The following WWOX variants were observed in gnomAD, a reference collection of about 807,000 sequenced individuals.
WWOX encodes WW domain containing oxidoreductase.
WWOX carries 69 observed loss-of-function variants against 46.2 expected under a neutral mutation model. The observed-to-expected ratio is 1.49, with a 90% CI of 1.23 to 1.82. WWOX has a LOEUF of 1.82. Among genes scored for constraint, WWOX ranks in the 40% most tolerant of loss-of-function variants. The pLI is 0.00. For synonymous variants in WWOX, 359 were observed against 202.6 expected, an observed-to-expected ratio of 1.77 and a Z score of -6.56; for missense variants, 919 against 542.6, an observed-to-expected ratio of 1.69 and a Z score of -6.89.
chr16:78,698,024 G>C (rs539983509), intron 8 of WWOX, among the ~76,000 whole-genome samples: 10 of 152,278 alleles, frequency 6.6e-5, no homozygotes, highest in African/African-American at 2.4e-4. Context: ...TATACTATGT[G>C]TTTCAAAGGG....
chr16:78,328,190 T>C (rs555869210), intron 5 of WWOX, among the ~76,000 whole-genome samples: 2 of 152,136 alleles, frequency 1.3e-5, no homozygotes, highest in Admixed American at 1.3e-4. Flanking sequence ...TTTCTTAAAT[T>C]TCACAGTCCC....
chr16:78,592,610 G>C lies in WWOX; in HGVS notation c.1056+159858G>C, dbSNP rs1034135194. ...TGCTTCTTTTTATTTCTTAGAGCCA[G>C]AGCTGGAAGACAAGGCCTGGCATAT... On this transcript the variant is annotated intron_variant, in intron 8 of 8. Transcript: ENST00000566780. Among the ~76,000 whole-genome samples the C allele has an allele frequency of 4.1e-4, 62 of 152,302 alleles. 1 individual carries two copies. The highest frequency in any genetic ancestry group is 9.8e-4 in the Admixed American group (15 of 15,304).
intron 5 of WWOX, among the ~76,000 whole-genome samples, chr16:78,330,888 T>C (rs2080740732): frequency 6.6e-6 from 1 of 152,250 alleles, no homozygotes; most frequent in South Asian, 2.1e-4. Context: ...ATGATATGCA[T>C]GTTCTTATTT....
chr16:78,618,875 G>A (rs1000988010), intron 8 of WWOX, among the ~76,000 whole-genome samples: 1 of 151,572 alleles, frequency 6.6e-6, no homozygotes, highest in Non-Finnish European at 1.5e-5. Flanking sequence ...CACCTTGGAT[G>A]TGCCCAGCAT....
intron 8 of WWOX, among the ~76,000 whole-genome samples, chr16:78,812,854 CCT>C (rs1045343053): frequency 2.0e-5 from 3 of 152,138 alleles, no homozygotes; most frequent in South Asian, 4.1e-4. Flanking sequence ...AATATTTTCC[CCT>C]GTCTTATTTT....
intron 5 of WWOX, among the ~76,000 whole-genome samples, chr16:78,337,848 G>C (rs1305043192): frequency 3.3e-5 from 4 of 119,988 alleles, no homozygotes; most frequent in African/African-American, 1.1e-4. Context: ...TGAAGAAGTG[G>C]AGAGCCGTGT....
chr16:78,448,700 T>C (rs1337847760), intron 8 of WWOX, among the ~76,000 whole-genome samples: 1 of 152,186 alleles, frequency 6.6e-6, no homozygotes, highest in Non-Finnish European at 1.5e-5. Flanking sequence ...TTGTTGCTGT[T>C]TTAATGAAGA....
At chr16:78,296,035 G>T (rs900070460) in intron 5 of WWOX, among the ~76,000 whole-genome samples, 1 of 152,198 alleles carries the variant, frequency 6.6e-6, no homozygotes, top group Non-Finnish European at 1.5e-5. Flanking sequence ...TATTTTCTGA[G>T]TATGAAAAGC....
chr16:78,695,680 A>G (rs753283686), intron 8 of WWOX, among the ~76,000 whole-genome samples: 19 of 152,230 alleles, frequency 1.2e-4, no homozygotes, highest in Admixed American at 3.3e-4. Flanking sequence ...CAGAGGGGCA[A>G]TGCAGGAATG....
intron 5 of WWOX, among the ~76,000 whole-genome samples, chr16:78,238,631 G>A (rs932406171): frequency 1.3e-5 from 2 of 150,846 alleles, no homozygotes; most frequent in South Asian, 4.2e-4. Flanking sequence ...TTTTTTTGTT[G>A]TTGTTGAGAT....
intron 5 of WWOX, among the ~76,000 whole-genome samples, chr16:78,234,656 T>G (rs1296420782): frequency 6.6e-6 from 1 of 152,192 alleles, no homozygotes; most frequent in African/African-American, 2.4e-5. Flanking sequence ...TAATAATTCT[T>G]CCAAGTCAAA....
chr16:78,412,909 T>C (rs567202126), intron 6 of WWOX, among the ~76,000 whole-genome samples: 3 of 152,196 alleles, frequency 2.0e-5, no homozygotes, highest in African/African-American at 7.2e-5. Context: ...AATGTCCTTT[T>C]TTCTCTTCCC....
intron 8 of WWOX, among the ~76,000 whole-genome samples, chr16:78,960,322 G>C (rs2046248971): frequency 6.6e-6 from 1 of 152,192 alleles, no homozygotes; most frequent in African/African-American, 2.4e-5. Flanking sequence ...CGTAACGTTT[G>C]GCTTGTGGTA....
intron 8 of WWOX, among the ~76,000 whole-genome samples, chr16:78,692,504 A>G (rs1433659130): frequency 1.3e-5 from 2 of 152,192 alleles, no homozygotes; most frequent in Non-Finnish European, 2.9e-5. Context: ...TTCATTAAGA[A>G]TGCCTGCCTT....
chr16:78,802,941 A>AAAAAAAAAAAAAAAAAAAG (rs2050932492), intron 8 of WWOX, among the ~76,000 whole-genome samples: 1 of 82,416 alleles, frequency 1.2e-5, no homozygotes, highest in South Asian at 4.6e-4. Flanking sequence ...AAAAAAAAAA[A>AAAAAAAAAAAAAAAAAAAG]ACAACAAACA....
chr16:78,203,417 G>T (rs566491066), intron 5 of WWOX, among the ~76,000 whole-genome samples: 2 of 152,150 alleles, frequency 1.3e-5, no homozygotes, highest in Non-Finnish European at 2.9e-5. Flanking sequence ...AGAGAAATTT[G>T]TTAGGTTGTA....
At chr16:78,527,658 C>G (rs1597215122) in intron 8 of WWOX, among the ~76,000 whole-genome samples, 1 of 152,110 alleles carries the variant, frequency 6.6e-6, no homozygotes, top group South Asian at 2.1e-4. Flanking sequence ...TACTATGCAC[C>G]TTACAGCTCA....
rs1365278352 is a variant in WWOX at position 79,033,458 on chromosome 16, T to G, written c.1057-178150T>G. On this transcript the variant is annotated intron_variant, in intron 8 of 8. Transcript: ENST00000566780. ...TGTACCACATTTTCTTTATCCAGAA[T>G]AAACTATTTTTTATACTGGTTTTAG... 4.6e-5 allele frequency among the ~76,000 whole-genome samples: 7 copies of G among 151,302 alleles called. No individual in the cohort carries two copies. In the South Asian group the frequency reaches 1.3e-3, roughly 27 times the overall value.
chr16:78,405,273 C>G (rs3926280), intron 6 of WWOX, among the ~76,000 whole-genome samples: 14,645 of 152,018 alleles, frequency 0.096, 2,328 homozygotes, highest in African/African-American at 0.33. Context: ...GTGCTGTGCT[C>G]CACTCTGGGT....
Sources: gnomAD v4.1 joint callset for allele counts (sites outside exome capture counted in the v4.1 genomes callset) on GRCh38, gnomAD v4.1.1 for gene constraint, MANE v1.5 for transcripts, NCBI Gene and HGNC (gene_info 2026-07-23, HGNC 2026-07-21) for gene names.